The following MLXIP variants were observed in gnomAD, a reference collection of about 807,000 sequenced individuals.
MLXIP encodes the protein MLX-interacting protein.
In MLXIP, 30 loss-of-function variants were observed where a neutral mutation model predicts 87.2. That is an observed-to-expected ratio of 0.34 (90% CI 0.26 to 0.47). The LOEUF (loss-of-function observed/expected upper bound fraction) is 0.47. Among genes scored for constraint, MLXIP ranks in the 20% least tolerant of loss-of-function variants. MLXIP has a pLI of 1.00. For synonymous variants in MLXIP, 530 were observed against 514.0 expected, an observed-to-expected ratio of 1.03 and a Z score of -0.42; for missense variants, 1,002 against 1,240.1, an observed-to-expected ratio of 0.81 and a Z score of 2.88.
chr12:122,142,913 G>C lies in MLXIP; in HGVS notation c.*1101G>C, dbSNP rs1043896328. The C allele has an allele frequency of 3.9e-5, 6 of 154,082 alleles. No homozygotes were observed. The highest frequency in any genetic ancestry group is 1.2e-4 in the African/African-American group (5 of 41,480). 9.5% of individuals were successfully genotyped at this position (154,082 alleles called of 1,614,324 possible). A position where few individuals can be genotyped will look rare whatever the true frequency, so the allele number is the denominator to read the frequency against. The stretch of plus-strand genomic sequence containing the variant: ...CTGTTTCTAGGCATCTCTCAGATCA[G>C]ACAGCAAAGAATCTACCCAGATCTG... On this transcript the variant is annotated 3_prime_UTR_variant, in exon 17 of 17. Coordinates refer to ENST00000319080, the MANE Select transcript of MLXIP (RefSeq NM_014938.6).
rs966909129 is a variant in MLXIP at position 122,079,285 on chromosome 12, C to T, written c.413+19C>T. 5 of 1,544,206 alleles carry T rather than the reference C, an allele frequency of 3.2e-6. No homozygotes were observed. Among genetic ancestry groups the T allele is most frequent in the African/African-American group, 2.7e-5 (2 of 72,730 alleles). ...CCTACAGGTAGGGACCCCCGCGACCCCCTGAGGCCCCGGCCGGAGGCCCTT... is the reference window on the plus strand; with the variant it reads ...CCTACAGGTAGGGACCCCCGCGACCTCCTGAGGCCCCGGCCGGAGGCCCTT... On this transcript the variant is annotated intron_variant, in intron 1 of 16. Coordinates refer to ENST00000319080, the MANE Select transcript of MLXIP (RefSeq NM_014938.6).
At chr12:122,085,677 T>A (rs2135894624) in intron 1 of MLXIP, among the ~76,000 whole-genome samples, 1 of 152,320 alleles carries the variant, frequency 6.6e-6, no homozygotes, top group East Asian at 1.9e-4. Context: ...AAGTGAATTG[T>A]GTTTATCTTG....
At chr12:122,113,136 TAAAA>T (rs1565971934) in intron 1 of MLXIP, among the ~76,000 whole-genome samples, 2 of 152,194 alleles carry the variant, frequency 1.3e-5, no homozygotes, top group Non-Finnish European at 2.9e-5. Context: ...TATATAAAAA[TAAAA>T]TAATATAAAA....
intron 1 of MLXIP, among the ~76,000 whole-genome samples, chr12:122,088,312 C>A (rs1034346614): frequency 1.3e-5 from 2 of 152,176 alleles, no homozygotes; most frequent in Non-Finnish European, 2.9e-5. Flanking sequence ...GAAATACTGT[C>A]TGCTTTGAAT....
rs1285615307 is a variant in MLXIP, at chr12:122,135,489, G to C, written c.1855G>C (p.Ala619Pro). Residue 619 changes from alanine to proline, a missense_variant and splice_region_variant, in exon 11 of 17, where the codon GCT (alanine) becomes CCT (proline). This residue lies in a region of MLXIP where 746 missense variants were observed against 897.0 expected (regional missense o/e 0.83). Coordinates refer to ENST00000319080, the MANE Select transcript of MLXIP (RefSeq NM_014938.6). The surrounding 1 kb of genome is among the most constrained non-coding windows in gnomAD (Gnocchi z 5.3). ...VVIAPAAIARAPGVPEFHSSI... is the reference protein window; with the variant it reads ...VVIAPAAIARPPGVPEFHSSI... ...TGACCTGTCTCCCATGTCACTGCAG[G>C]CTCCTGGGGTCCCGGAGTTCCACAG... The C allele has an allele frequency of 6.2e-7, 1 of 1,609,370 alleles. No homozygotes were observed. The highest frequency in any genetic ancestry group is 8.5e-7 in the Non-Finnish European group (1 of 1,178,304).
chr12:122,097,504 C>CAGCT (rs1181054128), intron 1 of MLXIP, among the ~76,000 whole-genome samples: 2 of 151,804 alleles, frequency 1.3e-5, no homozygotes, highest in Non-Finnish European at 2.9e-5. Context: ...CCTGTAGTCC[C>CAGCT]AGCTGCTCAG....
intron 1 of MLXIP, among the ~76,000 whole-genome samples, chr12:122,094,329 GTGT>G (rs1952309162): frequency 1.4e-5 from 2 of 146,288 alleles, no homozygotes; most frequent in African/African-American, 5.1e-5. Context: ...GTTGGTGTGT[GTGT>G]GGTGTGTATG....
chr12:122,097,475 C>T (rs1431515732), intron 1 of MLXIP, among the ~76,000 whole-genome samples: 1 of 151,970 alleles, frequency 6.6e-6, no homozygotes, highest in Non-Finnish European at 1.5e-5. Context: ...AAAAAATTAG[C>T]CAGGTGTGGT....
chr12:122,127,782 C>T, intron 2 of MLXIP, 101 bp from the exon 3 acceptor site: 1 of 865,336 alleles, frequency 1.2e-6, no homozygotes, highest in Non-Finnish European at 1.9e-6. Flanking sequence ...GAAAGGGTAC[C>T]TGGGAATGTG....
intron 1 of MLXIP, among the ~76,000 whole-genome samples, chr12:122,100,720 A>G (rs966653573): frequency 6.6e-6 from 1 of 152,156 alleles, no homozygotes; most frequent in Non-Finnish European, 1.5e-5. Context: ...GGTTTGCATA[A>G]CTTGTTAAAT....
chr12:122,119,991 T>A (rs1234423715), intron 1 of MLXIP, among the ~76,000 whole-genome samples: 1 of 152,182 alleles, frequency 6.6e-6, no homozygotes, highest in Non-Finnish European at 1.5e-5. Flanking sequence ...CTAAACTGAT[T>A]GGGAAGTAAA....
intron 2 of MLXIP, among the ~76,000 whole-genome samples, 173 bp from the exon 3 acceptor site, chr12:122,127,710 C>T (rs1952903138): frequency 6.6e-6 from 1 of 152,182 alleles, no homozygotes; most frequent in Admixed American, 6.5e-5. Flanking sequence ...TTGACAGATT[C>T]CTCTCCTTTC....
chr12:122,131,030 G>T, intron 7 of MLXIP, 97 bp downstream of exon 7: 3 of 812,986 alleles, frequency 3.7e-6, no homozygotes, highest in Non-Finnish European at 6.3e-6. Flanking sequence ...AGACTTGGTA[G>T]AATGGGCAAG....
At chr12:122,089,685 A>G (rs2135902038) in intron 1 of MLXIP, among the ~76,000 whole-genome samples, 1 of 152,276 alleles carries the variant, frequency 6.6e-6, no homozygotes, top group South Asian at 2.1e-4. Context: ...CCATCACCTC[A>G]GTAAGATCCC....
chr12:122,114,763 G>A (rs1424305743), intron 1 of MLXIP, among the ~76,000 whole-genome samples: 1 of 150,542 alleles, frequency 6.6e-6, no homozygotes, highest in Non-Finnish European at 1.5e-5. Flanking sequence ...TTTGGTGGGG[G>A]GGGACAGGGT....
chr12:122,140,943 A>C lies in MLXIP; in HGVS notation c.2509-11A>C. ...CTCCGTGCTTGCCTTTTCTTTAACC[A>C]CACACTGCAGTTCAGCATCATCATC... On this transcript the variant is annotated splice_polypyrimidine_tract_variant and intron_variant, in intron 15 of 16. Transcript: ENST00000319080. 1 of 1,613,882 alleles carries C rather than the reference A, an allele frequency of 6.2e-7. No homozygotes were observed. Among genetic ancestry groups the C allele is most frequent in the Non-Finnish European group, 8.5e-7 (1 of 1,179,868 alleles).
rs764404542 is a variant in MLXIP at position 122,135,567 on chromosome 12, G to A, written c.1933G>A (p.Val645Ile). ...GHGTSSPPAP[V>I]SRLFPSTAQD... Reference sequence around the variant, plus strand: ...TGGCACGAGCAGCCCGCCTGCCCCCGTCTCCCGGCTCTTCCCAAGCACAGC... The same window carrying A: ...TGGCACGAGCAGCCCGCCTGCCCCCATCTCCCGGCTCTTCCCAAGCACAGC... Residue 645 changes from valine (V) to isoleucine (I), a missense_variant, in exon 11 of 17, where the codon GTC becomes ATC. Around this residue, in one of 3 missense-constraint regions of MLXIP, gnomAD observed 746 missense variants for 897.0 expected, o/e 0.83. Coordinates refer to ENST00000319080, the MANE Select transcript of MLXIP (RefSeq NM_014938.6). This position sits in a 1 kb window ranked among gnomAD's most constrained non-coding sequence, Gnocchi z 5.3. The A allele has an allele frequency of 2.4e-5, 39 of 1,600,892 alleles. No individual in the cohort carries two copies. The highest frequency in any genetic ancestry group is 1.7e-4 in the Middle Eastern group (1 of 6,046).
chr12:122,135,744 TG>T lies in MLXIP; in HGVS notation c.2032+79del. The T allele has an allele frequency of 7.0e-7, 1 of 1,419,366 alleles. No homozygotes were observed. The highest frequency in any genetic ancestry group is 1.5e-5 in the South Asian group (1 of 67,230). 87.9% of individuals were successfully genotyped at this position (1,419,366 alleles called of 1,614,324 possible). ...CCTGCCGTAGACCATGGGGGGTGCT[TG>T]CTGGGTCCCCAGGACGGAGCCTGGG... On this transcript the variant is annotated intron_variant, in intron 11 of 16. Transcript: ENST00000319080. The surrounding 1 kb of genome is among the most constrained non-coding windows in gnomAD (Gnocchi z 5.3).
intron 1 of MLXIP, among the ~76,000 whole-genome samples, chr12:122,112,906 GGTAA>G (rs1283894933): frequency 6.6e-6 from 1 of 152,152 alleles, no homozygotes; most frequent in East Asian, 1.9e-4. Context: ...GAAGGAAATA[GGTAA>G]GTGTTTTCAA....
Sources: gnomAD v4.1 joint callset for allele counts (sites outside exome capture counted in the v4.1 genomes callset) on GRCh38, gnomAD v4.1.1 for gene constraint, gnomAD v4.1.1 regional missense constraint, Gnocchi (gnomAD v3.1) non-coding constraint, MANE v1.5 for transcripts, NCBI Gene and HGNC (gene_info 2026-07-23, HGNC 2026-07-21) for gene names.